Variants in DIXDC1 observed in about 807,000 individuals in gnomAD.
DIXDC1 encodes DIX domain containing 1.
Under a neutral mutation model 103.1 loss-of-function variants are expected in DIXDC1, and 64 were observed. That is an observed-to-expected ratio of 0.62 (90% CI 0.51 to 0.76). DIXDC1 has a LOEUF of 0.76. Among genes scored for constraint, DIXDC1 ranks in the 30% least tolerant of loss-of-function variants. DIXDC1 has a pLI of 0.00. For synonymous variants in DIXDC1, 266 were observed against 298.5 expected (o/e 0.89, Z 1.12); for missense variants, 759 against 834.2 (o/e 0.91, Z 1.11).
At chr11:111,973,919 A>T in intron 3 of DIXDC1, 104 bp from the exon 4 acceptor site, 1 of 1,095,216 alleles carries the variant, frequency 9.1e-7, no homozygotes, top group Non-Finnish European at 1.3e-6. Flanking sequence ...TGCCTTGCTT[A>T]CCTGTATCAC....
In DIXDC1 at chr11:112,008,904, A is replaced by G. The variant is rs587741422; in HGVS notation, c.1757-7787A>G. Reference sequence around the variant, plus strand: ...ACATCACAATTAAAAGAAATCGAGAATCAAGAGCAAAGAAATTCAAACGCT... The same window carrying G: ...ACATCACAATTAAAAGAAATCGAGAGTCAAGAGCAAAGAAATTCAAACGCT... On this transcript the variant is annotated intron_variant, in intron 17 of 19. Transcript: ENST00000440460. 2.0e-5 allele frequency among the ~76,000 whole-genome samples: 3 copies of G among 152,344 alleles called. No individual in the cohort carries two copies. The South Asian group carries it at 6.2e-4, about 32-fold the overall frequency.
intron 1 of DIXDC1, among the ~76,000 whole-genome samples, chr11:111,954,209 A>G (rs138896805): frequency 3.5e-4 from 53 of 152,300 alleles, no homozygotes; most frequent in Non-Finnish European, 5.4e-4. Context: ...AGATGGTCCT[A>G]TCTCGGGGTA....
chr11:112,000,468 G>A (rs1861031410), intron 17 of DIXDC1, among the ~76,000 whole-genome samples: 1 of 152,138 alleles, frequency 6.6e-6, no homozygotes, highest in African/African-American at 2.4e-5. Context: ...GGAGGCTGAG[G>A]TGGGCAGATC....
intron 17 of DIXDC1, among the ~76,000 whole-genome samples, chr11:112,008,402 G>A (rs184712351): frequency 3.7e-4 from 56 of 151,786 alleles, no homozygotes; most frequent in African/African-American, 1.3e-3. Flanking sequence ...TTAGATCAAC[G>A]AGACAGATTA....
At chr11:111,994,470 T>TACACACATATACAC (rs1860813523) in intron 14 of DIXDC1, among the ~76,000 whole-genome samples, 1 of 151,094 alleles carries the variant, frequency 6.6e-6, no homozygotes, top group Admixed American at 6.6e-5. Flanking sequence ...CATATACACA[T>TACACACATATACAC]ATATACATAT....
At chr11:111,928,876 T>G (rs1965923903) in intron 1 of DIXDC1, among the ~76,000 whole-genome samples, 1 of 152,166 alleles carries the variant, frequency 6.6e-6, no homozygotes, top group African/African-American at 2.4e-5. Context: ...TAAAGTGCTA[T>G]ATACAAATTT....
intron 9 of DIXDC1, 108 bp downstream of exon 9, chr11:111,987,032 CA>C: frequency 1.2e-6 from 1 of 819,704 alleles, no homozygotes; most frequent in Non-Finnish European, 1.9e-6. Flanking sequence ...GGGCAGATCA[CA>C]AGGTCAGGAG....
At chr11:111,950,218 G>A (rs983444940) in intron 1 of DIXDC1, among the ~76,000 whole-genome samples, 3 of 151,380 alleles carry the variant, frequency 2.0e-5, no homozygotes, top group Non-Finnish European at 4.4e-5. Context: ...TGACAGTTTA[G>A]TATGAGTCAC....
chr11:111,937,362 T>A lies in DIXDC1; in HGVS notation c.-138T>A, dbSNP rs1966240636. ...GCCGCTAGTTTGGCTCCAGTCTAGG[T>A]TTCCAGTAAGTGGCATGCGGGACTC... On this transcript the variant is annotated 5_prime_UTR_variant, in exon 1 of 20. Coordinates refer to ENST00000440460, the MANE Select transcript of DIXDC1 (RefSeq NM_001037954.4). 6.9e-7 allele frequency: 1 copy of A among 1,442,188 alleles called. No individual in the cohort carries two copies. The highest frequency in any genetic ancestry group is 9.1e-7 in the Non-Finnish European group (1 of 1,098,296). 89.3% of individuals were successfully genotyped at this position (1,442,188 alleles called of 1,614,324 possible).
At chr11:111,927,702 C>A (rs1323578002) in intron 1 of DIXDC1, among the ~76,000 whole-genome samples, 2 of 152,034 alleles carry the variant, frequency 1.3e-5, no homozygotes, top group Non-Finnish European at 2.9e-5. Flanking sequence ...AATTGTAGCA[C>A]ACGCACACAC....
chr11:111,938,785 A>G (rs1258686839), intron 1 of DIXDC1, among the ~76,000 whole-genome samples: 2 of 152,226 alleles, frequency 1.3e-5, no homozygotes, highest in South Asian at 2.1e-4. Context: ...GGAAAACTGC[A>G]GAAATGCTGT....
At chr11:111,997,661 A>G (rs1288298368) in intron 17 of DIXDC1, among the ~76,000 whole-genome samples, 2 of 152,156 alleles carry the variant, frequency 1.3e-5, no homozygotes, top group African/African-American at 2.4e-5. Flanking sequence ...TGATTTCTTC[A>G]GATTAGTGTA....
intron 4 of DIXDC1, among the ~76,000 whole-genome samples, chr11:111,974,565 C>G (rs1240194972): frequency 1.3e-5 from 2 of 152,144 alleles, no homozygotes; most frequent in Non-Finnish European, 2.9e-5. Flanking sequence ...GAGCAGTGTT[C>G]CAGTTCATCT....
chr11:111,938,668 A>T (rs1177643380), intron 1 of DIXDC1, among the ~76,000 whole-genome samples: 2 of 151,584 alleles, frequency 1.3e-5, no homozygotes, highest in African/African-American at 4.9e-5. Context: ...TGCACTACAG[A>T]CTCCTTCCTT....
At chr11:111,949,197 G>C (rs1286722825) in intron 1 of DIXDC1, among the ~76,000 whole-genome samples, 8 of 152,138 alleles carry the variant, frequency 5.3e-5, no homozygotes, top group Admixed American at 4.6e-4. Context: ...AACTTATCTA[G>C]ATACTCTCAA....
chr11:111,941,153 C>T (rs988678325), intron 1 of DIXDC1, among the ~76,000 whole-genome samples: 2 of 152,170 alleles, frequency 1.3e-5, no homozygotes, highest in African/African-American at 4.8e-5. Context: ...CTGTGGTTCA[C>T]GCCTGTAATC....
intron 9 of DIXDC1, among the ~76,000 whole-genome samples, chr11:111,988,455 A>G (rs1555174118): frequency 6.6e-6 from 1 of 152,142 alleles, no homozygotes; most frequent in Non-Finnish European, 1.5e-5. Flanking sequence ...CCTAGTGACA[A>G]TCGTATACAT....
rs782178833 is a variant in DIXDC1 at position 111,974,861 on chromosome 11, G to T, written c.549-15G>T. ...GGACTGACACCTTCCCTTTGCTGGG[G>T]TCCTTTGACTTTAGGAACAGCAGCA... is the stretch of plus-strand genomic sequence containing the variant. On this transcript the variant is annotated splice_polypyrimidine_tract_variant and intron_variant, in intron 4 of 19. Coordinates refer to ENST00000440460, the MANE Select transcript of DIXDC1 (RefSeq NM_001037954.4). The T allele has an allele frequency of 3.7e-6, 6 of 1,612,092 alleles. No individual in the cohort carries two copies. In the South Asian group the frequency reaches 5.5e-5, roughly 15 times the overall value.
At chr11:112,012,644 T>C (rs1389507367) in intron 17 of DIXDC1, among the ~76,000 whole-genome samples, 5 of 152,242 alleles carry the variant, frequency 3.3e-5, no homozygotes, top group Non-Finnish European at 5.9e-5. Flanking sequence ...TTTGTAGATA[T>C]ACACAAGGAT....
Sources: allele counts gnomAD v4.1 joint callset (sites outside exome capture counted in the v4.1 genomes callset), GRCh38; gene constraint gnomAD v4.1.1; transcripts MANE v1.5; gene names NCBI Gene and HGNC (gene_info 2026-07-23, HGNC 2026-07-21).